BBX: variants seen among roughly 807,000 people sequenced by gnomAD.
BBX encodes the protein HMG box transcription factor BBX.
A neutral mutation model predicts 100.2 loss-of-function variants in BBX; 30 were observed. The observed-to-expected ratio is 0.30, with a 90% confidence interval of 0.22 to 0.41. The LOEUF (loss-of-function observed/expected upper bound fraction) is 0.41. Among genes scored for constraint, BBX ranks in the 10% least tolerant of loss-of-function variants. The pLI is 1.00. For synonymous variants in BBX, 376 were observed against 388.1 expected (o/e 0.97, Z 0.37); for missense variants, 1,023 against 1,129.8 (o/e 0.91, Z 1.35).
At chr3:107,732,175 C>T (rs1254008162) in intron 6 of BBX, among the ~76,000 whole-genome samples, 1 of 152,146 alleles carries the variant, frequency 6.6e-6, no homozygotes, top group East Asian at 1.9e-4. Context: ...GCCTTGGCCT[C>T]CCAAAGTGCT....
Position 107,744,661 on chromosome 3 carries a change from C to T in BBX, c.701C>T (p.Ser234Leu), listed in dbSNP as rs2064416631. ...TCTGGCACATGCAGGCCTGATGTTT[C>T]AGAATCTCCTGAATTACGTCAGAAG... is the stretch of plus-strand genomic sequence containing the variant. ...VSSGTCRPDVSESPELRQKSP... is the reference protein window; with the variant it reads ...VSSGTCRPDVLESPELRQKSP... The change falls in exon 8 of 18, where the codon TCA becomes TTA. Residue 234 changes from serine (S) to leucine (L), a missense_variant. Transcript: ENST00000325805. The T allele has an allele frequency of 6.2e-7, 1 of 1,613,352 alleles. No homozygotes were observed. The highest frequency in any genetic ancestry group is 8.5e-7 in the Non-Finnish European group (1 of 1,179,482).
intron 2 of BBX, among the ~76,000 whole-genome samples, chr3:107,543,260 A>AC (rs1284807139): frequency 6.6e-6 from 1 of 152,204 alleles, no homozygotes; most frequent in Admixed American, 6.5e-5. Context: ...AGAAACTAGG[A>AC]CCCAGGCCAT....
intron 2 of BBX, among the ~76,000 whole-genome samples, chr3:107,546,240 C>T (rs764785091): frequency 6.6e-6 from 1 of 152,188 alleles, no homozygotes; most frequent in African/African-American, 2.4e-5. Flanking sequence ...TTCCTTAACT[C>T]CTAAGACTGT....
At chr3:107,647,991 A>G (rs2057623962) in intron 3 of BBX, among the ~76,000 whole-genome samples, 2 of 152,226 alleles carry the variant, frequency 1.3e-5, no homozygotes, top group Non-Finnish European at 2.9e-5. Context: ...AGCATGTCAC[A>G]GGGTGAAAGC....
At chr3:107,681,153 A>T (rs1305505353) in intron 3 of BBX, among the ~76,000 whole-genome samples, 2 of 152,186 alleles carry the variant, frequency 1.3e-5, no homozygotes, top group Non-Finnish European at 2.9e-5. Flanking sequence ...ATCAACACAA[A>T]TAGACACAGA....
At chr3:107,659,512 A>G (rs1016311226) in intron 3 of BBX, 1 of 221,008 alleles carries the variant, frequency 4.5e-6, no homozygotes, top group Non-Finnish European at 9.2e-6. Flanking sequence ...ATACCTATCA[A>G]AATATAACCC....
intron 3 of BBX, among the ~76,000 whole-genome samples, chr3:107,655,609 A>G (rs1479215353): frequency 6.7e-6 from 1 of 149,066 alleles, no homozygotes; most frequent in Non-Finnish European, 1.5e-5. Context: ...GACTTGAACT[A>G]CTGGGCTCAA....
chr3:107,541,631 G>C (rs1241243693), intron 2 of BBX, among the ~76,000 whole-genome samples: 1 of 152,056 alleles, frequency 6.6e-6, no homozygotes, highest in Non-Finnish European at 1.5e-5. Context: ...ATTTGTAAGT[G>C]AGATTTGGAT....
chr3:107,574,375 T>G (rs1413420615), intron 2 of BBX, among the ~76,000 whole-genome samples: 2 of 152,224 alleles, frequency 1.3e-5, no homozygotes, highest in African/African-American at 2.4e-5. Context: ...GTTATTTCAC[T>G]CTTTGCAATT....
chr3:107,801,969 G>A (rs2070539627), intron 17 of BBX, among the ~76,000 whole-genome samples: 2 of 152,198 alleles, frequency 1.3e-5, no homozygotes, highest in African/African-American at 4.8e-5. Flanking sequence ...TTACGAAGTT[G>A]TAAGCATCAG....
chr3:107,754,006 GC>G (rs2065274656), intron 9 of BBX, among the ~76,000 whole-genome samples: 1 of 152,096 alleles, frequency 6.6e-6, no homozygotes. Context: ...CTTCAGCACT[GC>G]CCTACACTAG....
intron 2 of BBX, among the ~76,000 whole-genome samples, chr3:107,547,248 A>G (rs986864758): frequency 2.1e-4 from 32 of 152,280 alleles, no homozygotes; most frequent in Admixed American, 1.6e-3. Flanking sequence ...ACTGAAAGAA[A>G]AATTTGAAAG....
intron 9 of BBX, among the ~76,000 whole-genome samples, chr3:107,750,301 T>TA (rs2064978361): frequency 6.6e-6 from 1 of 152,172 alleles, no homozygotes; most frequent in South Asian, 2.1e-4. Flanking sequence ...AGGAGCCTTT[T>TA]AAAAAATTAT....
At chr3:107,670,497 CTA>C (rs2058964521) in intron 3 of BBX, among the ~76,000 whole-genome samples, 1 of 151,860 alleles carries the variant, frequency 6.6e-6, no homozygotes, top group Admixed American at 6.6e-5. Flanking sequence ...GATCTGATTA[CTA>C]TACATCGTAT....
chr3:107,780,673 G>T (rs1401438493), intron 13 of BBX, among the ~76,000 whole-genome samples: 2 of 152,008 alleles, frequency 1.3e-5, no homozygotes, highest in African/African-American at 2.4e-5. Flanking sequence ...AAAATAAGCA[G>T]AAATTAAATA....
chr3:107,647,260 A>AAT lies in BBX; in HGVS notation c.-10+1352_-10+1353insTA, dbSNP rs568034085. Among the ~76,000 whole-genome samples the AAT allele has an allele frequency of 1.7e-3, 260 of 152,316 alleles. 1 individual carries two copies. Among genetic ancestry groups the AAT allele is most frequent in the African/African-American group, 5.8e-3 (242 of 41,584 alleles). Reference sequence around the variant, plus strand: ...AAGAGAGTTGAGTATGGTGAGGTTTAAAGAAAATGGAATTTGTGGCAGTAT... The same window carrying AAT: ...AAGAGAGTTGAGTATGGTGAGGTTTAATAAGAAAATGGAATTTGTGGCAGTAT... On this transcript the variant is annotated intron_variant, in intron 3 of 17. Coordinates refer to ENST00000325805, the MANE Select transcript of BBX (RefSeq NM_001142568.3).
At chr3:107,630,034 C>T (rs2056448597) in intron 2 of BBX, among the ~76,000 whole-genome samples, 1 of 152,116 alleles carries the variant, frequency 6.6e-6, no homozygotes, top group South Asian at 2.1e-4. Context: ...CCTCTGAGCT[C>T]ATCAGTCACA....
chr3:107,760,904 G>A (rs551629686), intron 10 of BBX, among the ~76,000 whole-genome samples: 1 of 152,216 alleles, frequency 6.6e-6, no homozygotes, highest in African/African-American at 2.4e-5. Context: ...ATAGATTTCT[G>A]ACTTCTGAAA....
intron 2 of BBX, among the ~76,000 whole-genome samples, chr3:107,644,542 A>G (rs2057408244): frequency 6.6e-6 from 1 of 152,176 alleles, no homozygotes; most frequent in South Asian, 2.1e-4. Context: ...TGTTTTTGAT[A>G]TTTATATGTT....
Sources: allele counts gnomAD v4.1 joint callset (sites outside exome capture counted in the v4.1 genomes callset), GRCh38; gene constraint gnomAD v4.1.1; transcripts MANE v1.5; gene names NCBI Gene and HGNC (gene_info 2026-07-23, HGNC 2026-07-21).